Variants in TRA2A observed in about 807,000 individuals in gnomAD.
TRA2A encodes transformer-2 protein homolog alpha.
TRA2A carries 31 observed loss-of-function variants against 45.7 expected under a neutral mutation model. That is an observed-to-expected ratio of 0.68 (90% CI 0.51 to 0.92). The LOEUF is 0.92. TRA2A is among the 40% of genes least tolerant of loss of function. The probability of loss-of-function intolerance (pLI) is 0.00; values close to 1 mark genes in which losing one functional copy is unlikely to be tolerated. For missense variants in TRA2A, 304 were observed against 367.5 expected (o/e 0.83, Z 1.41); for synonymous variants, 132 against 126.2 (o/e 1.05, Z -0.31).
Position 23,505,585 on chromosome 7 carries a change from CAAAAA to C in TRA2A, c.839-21_839-17del, listed in dbSNP as rs5882904. The C allele has an allele frequency of 5.1e-4, 124 of 244,648 alleles. No individual in the cohort carries two copies. Among genetic ancestry groups the C allele is most frequent in the Non-Finnish European group, 5.7e-4 (87 of 153,768 alleles). The allele number at this position is 244,648 out of a possible 1,614,324, so 15.2% of individuals were successfully genotyped here. A position where few individuals can be genotyped will look rare whatever the true frequency, so the allele number is the denominator to read the frequency against. On this transcript the variant is annotated splice_polypyrimidine_tract_variant and intron_variant, in intron 7 of 7. Coordinates refer to ENST00000297071, the MANE Select transcript of TRA2A (RefSeq NM_013293.5). ...CAATAGCGTCCTAAAAGAGAAAAAG[CAAAAA>C]AAAAAAAAAAAAAAAAAAGTTAACA... is the stretch of plus-strand genomic sequence containing the variant.
At chr7:23,511,520 A>T (rs117040500) in intron 4 of TRA2A, among the ~76,000 whole-genome samples, 4 of 151,824 alleles carry the variant, frequency 2.6e-5, no homozygotes, top group African/African-American at 7.2e-5. Flanking sequence ...AACAAAACTA[A>T]AAGTATTGAG....
intron 1 of TRA2A, among the ~76,000 whole-genome samples, chr7:23,525,620 G>C (rs1168311197): frequency 6.6e-6 from 1 of 152,162 alleles, no homozygotes; most frequent in Non-Finnish European, 1.5e-5. Context: ...TTATTTGCTT[G>C]TTTGGTTTTT....
At chr7:23,517,694 A>T (rs1789949003) in intron 2 of TRA2A, among the ~76,000 whole-genome samples, 1 of 151,066 alleles carries the variant, frequency 6.6e-6, no homozygotes, top group African/African-American at 2.4e-5. Context: ...CAGGCAGATT[A>T]CGAGGTCAAG....
At chr7:23,517,477 CAAAAAAAAAAAAAAAAA>C (rs70954385) in intron 2 of TRA2A, among the ~76,000 whole-genome samples, 1 of 13,940 alleles carries the variant, frequency 7.2e-5, no homozygotes, top group Non-Finnish European at 1.8e-4. Flanking sequence ...GACTACGTCT[CAAAAAAAAAAAAAAAAA>C]AAAAAAAAAA....
intron 2 of TRA2A, among the ~76,000 whole-genome samples, chr7:23,520,358 C>T (rs1178323622): frequency 6.6e-6 from 1 of 152,114 alleles, no homozygotes; most frequent in Admixed American, 6.6e-5. Flanking sequence ...TGAAATGAGA[C>T]AGGAGAAAAA....
At chr7:23,527,797 T>C (rs893006724) in intron 1 of TRA2A, among the ~76,000 whole-genome samples, 1 of 152,220 alleles carries the variant, frequency 6.6e-6, no homozygotes, top group Admixed American at 6.5e-5. Context: ...TTATGCGCTG[T>C]GGGTATAATT....
intron 2 of TRA2A, among the ~76,000 whole-genome samples, chr7:23,517,464 C>T (rs1479794744): frequency 5.8e-5 from 3 of 51,842 alleles, no homozygotes; most frequent in Non-Finnish European, 1.1e-4. Context: ...GGCGACAGAG[C>T]AAGACTACGT....
In TRA2A at chr7:23,516,544, AT is replaced by A; in HGVS notation, c.171-17del. 6.2e-7 allele frequency: 1 copy of A among 1,613,076 alleles called. No individual in the cohort carries two copies. Among genetic ancestry groups the A allele is most frequent in the Non-Finnish European group, 8.5e-7 (1 of 1,179,170 alleles). On this transcript the variant is annotated splice_polypyrimidine_tract_variant and intron_variant, in intron 2 of 7. Transcript: ENST00000297071. ...TGACCTCGACCTTTGAGAGAAATAC[AT>A]TTAGGTAAAAATACTGAAACAAAAT...
chr7:23,509,416 G>A (rs1042741635), intron 4 of TRA2A, among the ~76,000 whole-genome samples: 10 of 152,060 alleles, frequency 6.6e-5, no homozygotes, highest in African/African-American at 2.2e-4. Context: ...TAGTCAAAAA[G>A]GAATACAAAT....
intron 1 of TRA2A, among the ~76,000 whole-genome samples, chr7:23,530,908 G>A (rs962601603): frequency 2.1e-5 from 3 of 141,062 alleles, no homozygotes; most frequent in African/African-American, 8.3e-5. Context: ...AAGAAAGACA[G>A]ATTTTTTTTT....
intron 2 of TRA2A, among the ~76,000 whole-genome samples, chr7:23,520,900 C>G (rs1350924411): frequency 6.6e-6 from 1 of 151,980 alleles, no homozygotes; most frequent in Non-Finnish European, 1.5e-5. Flanking sequence ...ACCATGTTGC[C>G]CAGGCTGGTC....
intron 1 of TRA2A, among the ~76,000 whole-genome samples, chr7:23,530,099 A>G (rs1297007775): frequency 6.6e-6 from 1 of 152,236 alleles, no homozygotes. Context: ...AGTTAATTGA[A>G]GGAATGTATG....
chr7:23,509,963 T>G (rs113525358), intron 4 of TRA2A, among the ~76,000 whole-genome samples: 4,990 of 152,126 alleles, frequency 0.033, 123 homozygotes, highest in Non-Finnish European at 0.051. Context: ...GAGGCGGAAG[T>G]TGCAGTGAGC....
At chr7:23,513,104 T>C (rs773288194) in intron 3 of TRA2A, 22 bp from the exon 4 acceptor site, 1 of 1,540,910 alleles carries the variant, frequency 6.5e-7, no homozygotes, top group South Asian at 1.2e-5. Flanking sequence ...AAATATTATT[T>C]AAAACTCCAA....
chr7:23,520,488 G>T (rs972166133), intron 2 of TRA2A, among the ~76,000 whole-genome samples: 1 of 152,148 alleles, frequency 6.6e-6, no homozygotes, highest in African/African-American at 2.4e-5. Context: ...TAACTGAGTA[G>T]TAAGTAATCA....
intron 1 of TRA2A, chr7:23,531,328 C>G (rs1790572951): frequency 1.1e-6 from 1 of 880,250 alleles, no homozygotes; most frequent in Middle Eastern, 5.7e-4. Context: ...AGCTTCTCCC[C>G]GCCCGGAAAG....
At position 23,521,719 on chromosome 7, in the gene TRA2A, C is replaced by T. The variant is rs1392440654; in HGVS notation, c.158G>A (p.Arg53Lys). ...SKHSESHSRS[R>K]SKSRSRSRRH... ...TAAACACACTTACCTGGATTTTGAT[C>T]TTGATCGAGAATGGGATTCAGAGTG... The change falls in exon 2 of 8, where the codon AGA (arginine) becomes AAA (lysine). Residue 53 changes from arginine (R) to lysine (K), a missense_variant. By Grantham distance (26) the Arg-to-Lys change is conservative (BLOSUM62 2). This residue lies in a region of TRA2A where 132 missense variants were observed against 113.4 expected (regional missense o/e 1.16). Coordinates refer to ENST00000297071, the MANE Select transcript of TRA2A (RefSeq NM_013293.5). 4 of 1,613,962 alleles carry T rather than the reference C, an allele frequency of 2.5e-6. No individual in the cohort carries two copies. The highest frequency in any genetic ancestry group is 1.7e-5 in the Admixed American group (1 of 59,982).
At chr7:23,513,928 C>T (rs939681410) in intron 3 of TRA2A, among the ~76,000 whole-genome samples, 18 of 152,114 alleles carry the variant, frequency 1.2e-4, no homozygotes, top group African/African-American at 4.3e-4. Context: ...AAGGTAAAAA[C>T]ACCTTTAAAT....
intron 4 of TRA2A, among the ~76,000 whole-genome samples, chr7:23,512,263 A>T: frequency 6.6e-6 from 1 of 152,184 alleles, no homozygotes; most frequent in East Asian, 1.9e-4. Context: ...GCATTCTGGG[A>T]GGATCACTTG....
Sources: gnomAD v4.1 joint callset for allele counts (sites outside exome capture counted in the v4.1 genomes callset) on GRCh38, gnomAD v4.1.1 for gene constraint, gnomAD v4.1.1 regional missense constraint, MANE v1.5 for transcripts, NCBI Gene and HGNC (gene_info 2026-07-23, HGNC 2026-07-21) for gene names.